Variants in KIF26B observed in about 807,000 individuals in gnomAD.
KIF26B encodes kinesin-like protein KIF26B.
Under a neutral mutation model 151.2 loss-of-function variants are expected in KIF26B, and 63 were observed. That is an observed-to-expected ratio of 0.42 (90% CI 0.34 to 0.51). The LOEUF is 0.51. Ranked by LOEUF, KIF26B falls within the 20% of genes least tolerant of loss-of-function variation. KIF26B has a pLI of 0.07. For synonymous variants in KIF26B, 1,357 were observed against 1,262.1 expected (o/e 1.08, Z -1.59); for missense variants, 2,813 against 2,913.6 (o/e 0.97, Z 0.79).
chr1:245,684,133 C>G (rs2044475600), intron 10 of KIF26B, 100 bp from the exon 11 acceptor site: 1 of 1,300,520 alleles, frequency 7.7e-7, no homozygotes, highest in South Asian at 1.5e-5. Context: ...GGGGGGACCA[C>G]CACCCACAAC....
chr1:245,202,062 C>T (rs1301183375), intron 2 of KIF26B, among the ~76,000 whole-genome samples: 5 of 152,142 alleles, frequency 3.3e-5, no homozygotes, highest in Non-Finnish European at 7.3e-5. Flanking sequence ...TTTAGGATTG[C>T]GAGGCAGGCC....
intron 9 of KIF26B, among the ~76,000 whole-genome samples, chr1:245,616,387 GC>G (rs1242942861): frequency 5.9e-5 from 9 of 152,218 alleles, no homozygotes; most frequent in African/African-American, 2.2e-4. Flanking sequence ...AGACCCTGAA[GC>G]CCTACTGATC....
intron 1 of KIF26B, 122 bp from the exon 2 acceptor site, chr1:245,156,160 G>C (rs924249258): frequency 7.1e-7 from 1 of 1,403,722 alleles, no homozygotes; most frequent in Non-Finnish European, 9.4e-7. Context: ...GGCTTGGAGA[G>C]GTCCCCAACC....
At chr1:245,520,778 A>C (rs1661083657) in intron 4 of KIF26B, among the ~76,000 whole-genome samples, 1 of 152,206 alleles carries the variant, frequency 6.6e-6, no homozygotes, top group African/African-American at 2.4e-5. Flanking sequence ...ATTAATGATC[A>C]GCCCTGACCA....
At chr1:245,322,364 T>A (rs1320364477) in intron 2 of KIF26B, among the ~76,000 whole-genome samples, 1 of 152,166 alleles carries the variant, frequency 6.6e-6, no homozygotes, top group African/African-American at 2.4e-5. Flanking sequence ...GTTCTGCACA[T>A]GTATCTGAGA....
At chr1:245,340,719 A>G (rs951366901) in intron 2 of KIF26B, among the ~76,000 whole-genome samples, 2 of 152,000 alleles carry the variant, frequency 1.3e-5, no homozygotes, top group African/African-American at 4.8e-5. Flanking sequence ...GCATTCAACA[A>G]CTCTTTATCT....
At chr1:245,333,204 C>T (rs1466482050) in intron 2 of KIF26B, among the ~76,000 whole-genome samples, 2 of 152,098 alleles carry the variant, frequency 1.3e-5, no homozygotes, top group African/African-American at 2.4e-5. Context: ...GGCCTGTCAC[C>T]GTATAAATGG....
intron 4 of KIF26B, among the ~76,000 whole-genome samples, chr1:245,465,248 G>A (rs1007744463): frequency 3.9e-5 from 6 of 152,194 alleles, no homozygotes; most frequent in African/African-American, 1.4e-4. Context: ...AAAGTGCTGG[G>A]ATCACAGGCG....
intron 4 of KIF26B, among the ~76,000 whole-genome samples, chr1:245,508,943 C>T (rs536840430): frequency 6.6e-6 from 1 of 152,228 alleles, no homozygotes; most frequent in East Asian, 1.9e-4. Flanking sequence ...TAGACTAAAT[C>T]CTATTAAAGA....
chr1:245,242,391 T>C (rs1404476816), intron 2 of KIF26B, among the ~76,000 whole-genome samples: 2 of 152,232 alleles, frequency 1.3e-5, no homozygotes, highest in Non-Finnish European at 2.9e-5. Context: ...CCTGGTCTCC[T>C]TCCTTGCAAA....
At chr1:245,311,941 C>CA (rs1465380482) in intron 2 of KIF26B, among the ~76,000 whole-genome samples, 5 of 152,112 alleles carry the variant, frequency 3.3e-5, no homozygotes, top group Non-Finnish European at 7.4e-5. Context: ...GAAAAAGAAA[C>CA]AAAAAAATCA....
rs576977649 is a variant in KIF26B at position 245,472,145 on chromosome 1, T to C, written c.1166+52400T>C. ...GACAATAAACAAGCCAGAAAATACC[T>C]GCCAGTCAAAAAGCTGTGATGGGAA... On this transcript the variant is annotated intron_variant, in intron 4 of 14. Coordinates refer to ENST00000407071, the MANE Select transcript of KIF26B (RefSeq NM_018012.4). 1.7e-3 allele frequency among the ~76,000 whole-genome samples: 255 copies of C among 152,250 alleles called. 2 individuals carry two copies. The highest frequency in any genetic ancestry group is 5.9e-3 in the African/African-American group (247 of 41,538).
intron 10 of KIF26B, among the ~76,000 whole-genome samples, chr1:245,679,486 T>TTTG (rs796728046): frequency 9.8e-6 from 1 of 102,210 alleles, no homozygotes; most frequent in African/African-American, 3.5e-5. Flanking sequence ...TTTTTTTTTT[T>TTTG]GACACAAGGT....
At chr1:245,176,010 A>G (rs904349330) in intron 2 of KIF26B, among the ~76,000 whole-genome samples, 1 of 150,448 alleles carries the variant, frequency 6.6e-6, no homozygotes, top group Non-Finnish European at 1.5e-5. Context: ...AGATATAGAT[A>G]TAGATATTTT....
intron 2 of KIF26B, among the ~76,000 whole-genome samples, chr1:245,181,310 G>A (rs569229543): frequency 2.8e-4 from 42 of 152,150 alleles, no homozygotes; most frequent in African/African-American, 8.0e-4. Flanking sequence ...CTGAGAAGGC[G>A]GCGTGTTCTG....
chr1:245,204,080 G>A (rs1466676656), intron 2 of KIF26B, among the ~76,000 whole-genome samples: 1 of 152,184 alleles, frequency 6.6e-6, no homozygotes, highest in African/African-American at 2.4e-5. Flanking sequence ...ATCTTCACAC[G>A]CAGATGCTGT....
At chr1:245,406,949 G>A (rs903249375) in intron 3 of KIF26B, among the ~76,000 whole-genome samples, 1 of 151,882 alleles carries the variant, frequency 6.6e-6, no homozygotes, top group Non-Finnish European at 1.5e-5. Flanking sequence ...CACCACGCCT[G>A]GCTAATTTTT....
At chr1:245,335,831 C>T (rs1242086414) in intron 2 of KIF26B, among the ~76,000 whole-genome samples, 38 of 135,524 alleles carry the variant, frequency 2.8e-4, no homozygotes, top group East Asian at 6.8e-4. Flanking sequence ...GAGCCCCACG[C>T]GGAGAAGGAG....
In KIF26B at chr1:245,698,096, C is replaced by G. The variant is rs777663264; in HGVS notation, c.5825-10C>G. ...AAAGACTAACTCTCTGGGCTTATCC[C>G]CCTCCTCAGGTTCTCAGAGACGGAG... is the stretch of plus-strand genomic sequence containing the variant. On this transcript the variant is annotated splice_polypyrimidine_tract_variant and intron_variant, in intron 12 of 14. Coordinates refer to ENST00000407071, the MANE Select transcript of KIF26B (RefSeq NM_018012.4). The surrounding 1 kb of genome is among the most constrained non-coding windows in gnomAD (Gnocchi z 4.0). 5 of 1,609,464 alleles carry G rather than the reference C, an allele frequency of 3.1e-6. No individual in the cohort carries two copies. In the South Asian group the frequency reaches 5.5e-5, roughly 18 times the overall value.
Sources: gnomAD v4.1 joint callset for allele counts (sites outside exome capture counted in the v4.1 genomes callset) on GRCh38, gnomAD v4.1.1 for gene constraint, Gnocchi (gnomAD v3.1) non-coding constraint, MANE v1.5 for transcripts, NCBI Gene and HGNC (gene_info 2026-07-23, HGNC 2026-07-21) for gene names.